Variants in SYCP2L observed in about 807,000 individuals in gnomAD.
SYCP2L encodes the protein synaptonemal complex protein 2-like.
In SYCP2L, 98 loss-of-function variants were observed where a neutral mutation model predicts 125.8. The observed-to-expected ratio is 0.78, with a 90% confidence interval of 0.66 to 0.92. SYCP2L has a LOEUF of 0.92. Among genes scored for constraint, SYCP2L ranks in the 40% least tolerant of loss-of-function variants. SYCP2L has a pLI of 0.00. For synonymous variants in SYCP2L, 317 were observed against 325.4 expected (o/e 0.97, Z 0.28); for missense variants, 842 against 936.4 (o/e 0.90, Z 1.32).
intron 11 of SYCP2L, 35 bp from the exon 12 acceptor site, chr6:10,910,789 A>G (rs770589403): frequency 3.1e-6 from 5 of 1,610,718 alleles, no homozygotes; most frequent in Admixed American, 3.3e-5. Context: ...AGATTCATTC[A>G]TGTTTTATTT....
intron 14 of SYCP2L, among the ~76,000 whole-genome samples, chr6:10,913,299 A>C (rs1780639646): frequency 6.6e-6 from 1 of 152,204 alleles, no homozygotes; most frequent in Admixed American, 6.5e-5. Context: ...AACCTAGAAA[A>C]TCAGGTAGTA....
intron 16 of SYCP2L, 88 bp downstream of exon 16, chr6:10,926,520 G>A (rs1454994514): frequency 2.0e-6 from 2 of 992,338 alleles, no homozygotes; most frequent in Non-Finnish European, 3.1e-6. Flanking sequence ...GAAACCTGTG[G>A]TCATATGAGT....
At chr6:10,971,254 C>T (rs927576720) in intron 29 of SYCP2L, among the ~76,000 whole-genome samples, 5 of 151,966 alleles carry the variant, frequency 3.3e-5, no homozygotes, top group Admixed American at 6.6e-5. Flanking sequence ...GTCAGGAGAT[C>T]GAGACCATCC....
At chr6:10,951,052 C>G (rs1009294516) in intron 23 of SYCP2L, among the ~76,000 whole-genome samples, 1 of 152,058 alleles carries the variant, frequency 6.6e-6, no homozygotes, top group African/African-American at 2.4e-5. Flanking sequence ...GAGGATAGTT[C>G]CTTCCTAGCT....
At position 10,893,819 on chromosome 6, in the gene SYCP2L, A is replaced by G. The variant is rs750740316; in HGVS notation, c.79-48A>G. On this transcript the variant is annotated intron_variant, in intron 2 of 29. Transcript: ENST00000283141. ...AGATCAGTTAGAAAATTACTATAAA[A>G]TAAATGTTCTTGGGGAAAAAGTAAT... The G allele has an allele frequency of 1.8e-5, 29 of 1,585,412 alleles. No homozygotes were observed. In the Middle Eastern group the frequency reaches 6.8e-4, roughly 37 times the overall value.
intron 11 of SYCP2L, among the ~76,000 whole-genome samples, chr6:10,910,526 G>A (rs538903003): frequency 1.1e-4 from 16 of 152,282 alleles, no homozygotes; most frequent in South Asian, 2.1e-4. Flanking sequence ...TAGTTGTATC[G>A]TGAACAGTTA....
Position 10,937,042 on chromosome 6 carries a change from A to C in SYCP2L, c.1813+1855A>C, listed in dbSNP as rs75388078. Among the ~76,000 whole-genome samples the C allele has an allele frequency of 0.021, 3,168 of 152,334 alleles. 165 individuals carry two copies. The East Asian group carries it at 0.22, about 10-fold the overall frequency. On this transcript the variant is annotated intron_variant, in intron 21 of 29. Coordinates refer to ENST00000283141, the MANE Select transcript of SYCP2L (RefSeq NM_001040274.3). ...TAGTCGATAGATTATCCAGATAGAA[A>C]ATCAATAAGGAAACAGTGGCTTGAA... is the stretch of plus-strand genomic sequence containing the variant.
intron 4 of SYCP2L, among the ~76,000 whole-genome samples, chr6:10,897,050 T>C (rs959184052): frequency 3.3e-5 from 5 of 152,200 alleles, no homozygotes; most frequent in African/African-American, 1.2e-4. Context: ...AATTTTTTTT[T>C]TTCTAAGAGT....
At chr6:10,955,348 G>A in intron 24 of SYCP2L, 131 bp downstream of exon 24, 1 of 568,946 alleles carries the variant, frequency 1.8e-6, no homozygotes. Flanking sequence ...TAAAAACTAA[G>A]CTTTTGTGCT....
intron 28 of SYCP2L, among the ~76,000 whole-genome samples, chr6:10,963,003 CTG>C (rs1386682714): frequency 6.6e-6 from 1 of 152,204 alleles, no homozygotes; most frequent in Non-Finnish European, 1.5e-5. Context: ...AAAAGCCACA[CTG>C]TGTTAAGCAC....
rs184062233 is a variant in SYCP2L, at chr6:10,920,992, C to T, written c.1073-3504C>T. 2.6e-4 allele frequency among the ~76,000 whole-genome samples: 39 copies of T among 152,314 alleles called. No individual in the cohort carries two copies. The East Asian group carries it at 6.9e-3, about 27-fold the overall frequency. The stretch of plus-strand genomic sequence containing the variant: ...TTTGCTGCACAGATCATCCCATCAC[C>T]TAAGTGTTAAGCCCAGCATCCATTA... On this transcript the variant is annotated intron_variant, in intron 14 of 29. Transcript: ENST00000283141.
At chr6:10,893,785 T>A in intron 2 of SYCP2L, 82 bp from the exon 3 acceptor site, 1 of 1,424,766 alleles carries the variant, frequency 7.0e-7, no homozygotes, top group East Asian at 2.4e-5. Context: ...TGAATTCTTA[T>A]TGATAATGAG....
chr6:10,956,335 A>C (rs1781502054), intron 25 of SYCP2L, 93 bp downstream of exon 25: 3 of 928,748 alleles, frequency 3.2e-6, no homozygotes, highest in Admixed American at 2.6e-5. Flanking sequence ...ACATGGTCTC[A>C]CTTATATTGA....
chr6:10,942,724 G>A lies in SYCP2L; in HGVS notation c.1932G>A (p.Lys644=). Residue 644 remains lysine, a synonymous_variant, in exon 23 of 30, where the codon AAG becomes AAA. Coordinates refer to ENST00000283141, the MANE Select transcript of SYCP2L (RefSeq NM_001040274.3). Reference sequence around the variant, plus strand: ...CAGAAAGTACTAGCTTGAAACATAAGCTGAGAAACTTGGAAGACAAAGGTA... The same window carrying A: ...CAGAAAGTACTAGCTTGAAACATAAACTGAGAAACTTGGAAGACAAAGGTA... ...SLTESTSLKH[K]LRNLEDKDIP... 1 of 1,611,690 alleles carries A rather than the reference G, an allele frequency of 6.2e-7. No individual in the cohort carries two copies. The highest frequency in any genetic ancestry group is 8.5e-7 in the Non-Finnish European group (1 of 1,179,484).
chr6:10,920,319 A>G (rs112935073), intron 14 of SYCP2L, among the ~76,000 whole-genome samples: 2,147 of 152,052 alleles, frequency 0.014, 50 homozygotes, highest in African/African-American at 0.049. Flanking sequence ...CTGTGTTCAA[A>G]CGATTCTCCT....
At chr6:10,909,847 C>A (rs1176692037) in intron 10 of SYCP2L, among the ~76,000 whole-genome samples, 1 of 152,186 alleles carries the variant, frequency 6.6e-6, no homozygotes, top group African/African-American at 2.4e-5. Flanking sequence ...ATTTATCTTG[C>A]TTACACTTCT....
At chr6:10,929,070 T>G (rs1780946210) in intron 18 of SYCP2L, among the ~76,000 whole-genome samples, 1 of 152,130 alleles carries the variant, frequency 6.6e-6, no homozygotes, top group Non-Finnish European at 1.5e-5. Flanking sequence ...TTTTGTATCT[T>G]TAGTAGAGAC....
chr6:10,967,752 C>T (rs779636269), intron 29 of SYCP2L, among the ~76,000 whole-genome samples: 3 of 152,084 alleles, frequency 2.0e-5, no homozygotes, highest in Non-Finnish European at 4.4e-5. Context: ...AATGGCAAAA[C>T]ATTTAAAATC....
chr6:10,959,881 A>AAAAAAAG (rs1554108496), intron 26 of SYCP2L, among the ~76,000 whole-genome samples: 2 of 151,498 alleles, frequency 1.3e-5, no homozygotes, highest in Non-Finnish European at 2.9e-5. Flanking sequence ...AAAAAAAAAA[A>AAAAAAAG]AAAGAAAGAA....
Sources: gnomAD v4.1 joint callset for allele counts (sites outside exome capture counted in the v4.1 genomes callset) on GRCh38, gnomAD v4.1.1 for gene constraint, MANE v1.5 for transcripts, NCBI Gene and HGNC (gene_info 2026-07-23, HGNC 2026-07-21) for gene names.